Variants in DOCK11 observed in about 807,000 individuals in gnomAD.
The protein encoded by DOCK11 is dedicator of cytokinesis protein 11.
A neutral mutation model predicts 169.1 loss-of-function variants in DOCK11; 70 were observed. The ratio of observed to expected loss-of-function variants is 0.41; its 90% CI spans 0.34 to 0.51. The LOEUF (loss-of-function observed/expected upper bound fraction) is 0.51. Among genes scored for constraint, DOCK11 ranks in the 20% least tolerant of loss-of-function variants. DOCK11 has a pLI of 0.10. For missense variants in DOCK11, 1,166 were observed against 1,538.8 expected (o/e 0.76, Z 4.05); for synonymous variants, 529 against 541.3 (o/e 0.98, Z 0.32).
intron 21 of DOCK11, 95 bp downstream of exon 21, chrX:118,597,647 A>G: frequency 9.4e-7 from 1 of 1,065,952 alleles, no homozygotes. Context: ...TGTTACTCAA[A>G]GTGGGGTCTG....
intron 14 of DOCK11, among the ~76,000 whole-genome samples, chrX:118,580,662 A>ATT (rs58581896): frequency 9.6e-5 from 10 of 104,574 alleles, no homozygotes; most frequent in Non-Finnish European, 1.4e-4. Context: ...AGACCCTCTC[A>ATT]TTTTTTTTTT....
chrX:118,648,580 T>A (rs2015862704), intron 40 of DOCK11, among the ~76,000 whole-genome samples: 1 of 91,128 alleles, frequency 1.1e-5, no homozygotes, highest in African/African-American at 4.0e-5. Context: ...TACATATATA[T>A]AAATATATAA....
At chrX:118,609,630 A>G (rs2014629203) in intron 27 of DOCK11, among the ~76,000 whole-genome samples, 1 of 112,084 alleles carries the variant, frequency 8.9e-6, no homozygotes, top group African/African-American at 3.2e-5. Context: ...ATCATTTGCC[A>G]TGTACATCTC....
At chrX:118,597,797 A>C (rs2014214929) in intron 21 of DOCK11, among the ~76,000 whole-genome samples, 1 of 111,862 alleles carries the variant, frequency 8.9e-6, no homozygotes. Context: ...TAATTTTAAA[A>C]AATTATTTAA....
chrX:118,568,696 C>T (rs1017830348), intron 10 of DOCK11, among the ~76,000 whole-genome samples: 11 of 109,083 alleles, frequency 1.0e-4, no homozygotes, highest in Non-Finnish European at 2.1e-4. Flanking sequence ...GGTTTATACG[C>T]GGATGTGTAT....
At chrX:118,645,657 G>A (rs375282831) in intron 40 of DOCK11, among the ~76,000 whole-genome samples, 5 of 109,075 alleles carry the variant, frequency 4.6e-5, no homozygotes, top group South Asian at 7.9e-4. Context: ...GCAAGATTTC[G>A]TCTCAAAAAA....
At chrX:118,664,603 C>T (rs768444020) in intron 45 of DOCK11, among the ~76,000 whole-genome samples, 12 of 110,077 alleles carry the variant, frequency 1.1e-4, no homozygotes, top group African/African-American at 1.7e-4. Flanking sequence ...CAAGATTGTG[C>T]TACTGTACTC....
chrX:118,639,665 A>G lies in DOCK11; in HGVS notation c.4144+88A>G, dbSNP rs2015480188. The G allele has an allele frequency of 3.1e-6, 3 of 981,697 alleles. No homozygotes were observed. The African/African-American group carries it at 5.7e-5, about 19-fold the overall frequency. The allele number at this position is 981,697 out of a possible 1,213,427, so 80.9% of individuals were successfully genotyped here. On this transcript the variant is annotated intron_variant, in intron 38 of 52. Transcript: ENST00000276202. ...AAACTGAAGGTGATGGATACCATAAATACCTTGATCATTACACATTATATG... is the reference window on the plus strand; with the variant it reads ...AAACTGAAGGTGATGGATACCATAAGTACCTTGATCATTACACATTATATG...
chrX:118,545,801 A>G (rs1320367491), intron 5 of DOCK11, among the ~76,000 whole-genome samples: 2 of 111,822 alleles, frequency 1.8e-5, no homozygotes, highest in African/African-American at 6.5e-5. Context: ...AAGATTTCCC[A>G]GAAGAGAGCC....
intron 4 of DOCK11, among the ~76,000 whole-genome samples, chrX:118,544,971 T>G (rs1411506092): frequency 9.1e-6 from 1 of 109,440 alleles, no homozygotes; most frequent in African/African-American, 3.3e-5. Flanking sequence ...ACGCCTGGCC[T>G]GTGTTGCTTT....
chrX:118,626,007 C>A (rs952118586), intron 32 of DOCK11, among the ~76,000 whole-genome samples: 1 of 109,789 alleles, frequency 9.1e-6, no homozygotes, highest in Non-Finnish European at 1.9e-5. Flanking sequence ...CTTGTGCCTT[C>A]TAAATTTTTC....
At chrX:118,609,245 A>G (rs1262274271) in intron 26 of DOCK11, 33 bp from the exon 27 acceptor site, 7 of 1,098,420 alleles carry the variant, frequency 6.4e-6, no homozygotes, top group African/African-American at 1.8e-5. Context: ...GAGATTTGGT[A>G]ACCGTTAAAG....
chrX:118,526,563 A>C (rs1397916592), intron 1 of DOCK11, among the ~76,000 whole-genome samples: 1 of 112,087 alleles, frequency 8.9e-6, no homozygotes, highest in Non-Finnish European at 1.9e-5. Context: ...ACCTGGCCAG[A>C]GACTGTAGTT....
chrX:118,599,419 A>G (rs1227253554), intron 23 of DOCK11, among the ~76,000 whole-genome samples, 191 bp downstream of exon 23: 1 of 111,840 alleles, frequency 8.9e-6, no homozygotes, highest in Non-Finnish European at 1.9e-5. Flanking sequence ...TGGCAACATT[A>G]GGAAGAAAAT....
At chrX:118,672,677 C>T (rs905148637) in intron 46 of DOCK11, among the ~76,000 whole-genome samples, 2 of 112,948 alleles carry the variant, frequency 1.8e-5, no homozygotes, top group Admixed American at 9.3e-5. Context: ...CCTTGTGATG[C>T]GCCCGCCTTG....
At chrX:118,609,196 C>G (rs2014613886) in intron 26 of DOCK11, 82 bp from the exon 27 acceptor site, 1 of 670,500 alleles carries the variant, frequency 1.5e-6, no homozygotes, top group Non-Finnish European at 2.3e-6. Flanking sequence ...AATTCAAAGA[C>G]AAGACCCATA....
Position 118,649,017 on chromosome X carries a change from A to G in DOCK11, c.4471A>G (p.Thr1491Ala). ...AFCYEVLKCC[T>A]SKISSTRNEA... Reference sequence around the variant, plus strand: ...TTGCTATGAGGTTTTAAAGTGCTGCACATCGAAGATTAGCTCAACCAGGAA... The same window carrying G: ...TTGCTATGAGGTTTTAAAGTGCTGCGCATCGAAGATTAGCTCAACCAGGAA... The change falls in exon 41 of 53, where the codon ACA (threonine) becomes GCA (alanine). Residue 1491 changes from threonine (T) to alanine (A), a missense_variant. Physicochemically the swap from Thr to Ala is moderately conservative, Grantham distance 58. Transcript: ENST00000276202. 1 of 1,209,264 alleles carries G rather than the reference A, an allele frequency of 8.3e-7. No individual in the cohort carries two copies. Among genetic ancestry groups the G allele is most frequent in the East Asian group, 3.0e-5 (1 of 33,792 alleles).
intron 46 of DOCK11, among the ~76,000 whole-genome samples, chrX:118,672,484 C>T (rs775039144): frequency 2.7e-5 from 3 of 112,868 alleles, no homozygotes; most frequent in African/African-American, 9.6e-5. Flanking sequence ...CCAGGCCGGA[C>T]TGCAGTGGCG....
intron 44 of DOCK11, among the ~76,000 whole-genome samples, chrX:118,657,285 A>G (rs777095811): frequency 8.9e-6 from 1 of 112,077 alleles, no homozygotes; most frequent in East Asian, 2.8e-4. Context: ...TTTATTCTTC[A>G]TAGAAATCAA....
Sources: allele counts gnomAD v4.1 joint callset (sites outside exome capture counted in the v4.1 genomes callset), GRCh38; gene constraint gnomAD v4.1.1; transcripts MANE v1.5; gene names NCBI Gene and HGNC (gene_info 2026-07-23, HGNC 2026-07-21).